The following SCAF1 variants were observed in gnomAD, a reference collection of about 807,000 sequenced individuals.
SCAF1 encodes splicing factor, arginine/serine-rich 19.
Under a neutral mutation model 91.2 loss-of-function variants are expected in SCAF1, and 28 were observed. That is an observed-to-expected ratio of 0.31 (90% CI 0.23 to 0.42). The LOEUF (loss-of-function observed/expected upper bound fraction) is 0.42. Ranked by LOEUF, SCAF1 falls within the 10% of genes least tolerant of loss-of-function variation. The pLI, the probability that SCAF1 is intolerant of heterozygous loss-of-function variation, is 1.00. For missense variants in SCAF1, 1,893 were observed against 1,872.1 expected (o/e 1.01, Z -0.21); for synonymous variants, 1,036 against 833.7 (o/e 1.24, Z -4.18).
Position 49,658,393 on chromosome 19 carries a change from T to C in SCAF1, c.3933T>C (p.Pro1311=). ...GTGGCCCGGGCCTGCCCCTGCCCCCTCTCTGAGAGCCCTGGCCAGCTCTTC... is the reference window on the plus strand; with the variant it reads ...GTGGCCCGGGCCTGCCCCTGCCCCCCCTCTGAGAGCCCTGGCCAGCTCTTC... The part of the protein sequence containing the change: ...DKGGPGLPLP[P]L The change falls in exon 11 of 11, where the codon CCT becomes CCC. Residue 1311 remains proline (P), a synonymous_variant. Coordinates refer to ENST00000360565, the MANE Select transcript of SCAF1 (RefSeq NM_021228.3). The C allele has an allele frequency of 7.8e-6, 12 of 1,537,348 alleles. No homozygotes were observed. Among genetic ancestry groups the C allele is most frequent in the South Asian group, 1.2e-5 (1 of 84,888 alleles).
At chr19:49,648,560 AC>A (rs59176255) in intron 6 of SCAF1, among the ~76,000 whole-genome samples, 1,590 of 116,878 alleles carry the variant, frequency 0.014, 17 homozygotes, top group African/African-American at 0.025. Flanking sequence ...TGCCTGCCAC[AC>A]CCCCCCCCCT....
chr19:49,646,703 T>A lies in SCAF1; in HGVS notation c.363-12T>A. The stretch of plus-strand genomic sequence containing the variant: ...GCACCCCTGAGGCTCACCCACCCCT[T>A]CCGCCTTGCAGAAGTGAGGACATGC... On this transcript the variant is annotated splice_polypyrimidine_tract_variant and intron_variant, in intron 5 of 10. Transcript: ENST00000360565. The surrounding 1 kb of genome is among the most constrained non-coding windows in gnomAD (Gnocchi z 5.6). 6.2e-7 allele frequency: 1 copy of A among 1,613,686 alleles called. No homozygotes were observed. Among genetic ancestry groups the A allele is most frequent in the Non-Finnish European group, 8.5e-7 (1 of 1,179,754 alleles).
intron 9 of SCAF1, 104 bp from the exon 10 acceptor site, chr19:49,657,657 C>T (rs1041135117): frequency 1.8e-4 from 254 of 1,378,014 alleles, no homozygotes; most frequent in Middle Eastern, 1.0e-3. Flanking sequence ...AGCAGCTGGA[C>T]GGCCAGAGAG....
Position 49,652,005 on chromosome 19 carries a change from C to A in SCAF1, c.1616C>A (p.Thr539Asn). Reference protein sequence around the residue: ...AKEAASSSSGTQPAPPAPASP... With the variant: ...AKEAASSSSGNQPAPPAPASP... Reference sequence around the variant, plus strand: ...GAGGCCGCCTCGTCCTCGTCGGGCACCCAGCCAGCGCCGCCCGCCCCGGCC... The same window carrying A: ...GAGGCCGCCTCGTCCTCGTCGGGCAACCAGCCAGCGCCGCCCGCCCCGGCC... Residue 539 changes from threonine to asparagine, a missense_variant, in exon 7 of 11, where the codon ACC becomes AAC. Physicochemically the swap from Thr to Asn is moderately conservative, Grantham distance 65. This residue lies in a region of SCAF1 where 1,436 missense variants were observed against 1,306.8 expected (regional missense o/e 1.10). Coordinates refer to ENST00000360565, the MANE Select transcript of SCAF1 (RefSeq NM_021228.3). 1.7e-6 allele frequency: 2 copies of A among 1,201,108 alleles called. No individual in the cohort carries two copies. Among genetic ancestry groups the A allele is most frequent in the Admixed American group, 4.7e-5 (1 of 21,252 alleles). 74.4% of individuals were successfully genotyped at this position (1,201,108 alleles called of 1,614,324 possible).
At chr19:49,650,159 A>G (rs889563795) in intron 6 of SCAF1, among the ~76,000 whole-genome samples, 3 of 152,202 alleles carry the variant, frequency 2.0e-5, no homozygotes, top group African/African-American at 7.2e-5. Flanking sequence ...GTCACTGGTC[A>G]GTGGTGTCTT....
chr19:49,658,032 G>A, intron 10 of SCAF1, 143 bp downstream of exon 10: 3 of 1,291,888 alleles, frequency 2.3e-6, no homozygotes, highest in Non-Finnish European at 2.1e-6. Flanking sequence ...TTTTCTCAAG[G>A]CCACCTGGGC....
In SCAF1 at chr19:49,658,240, A is replaced by C. The variant is rs748593728; in HGVS notation, c.3780A>C (p.Pro1260=). 3.2e-5 allele frequency: 52 copies of C among 1,613,620 alleles called. No homozygotes were observed. The Middle Eastern group carries it at 5.0e-4, about 15-fold the overall frequency. ...ACAGCAAAAGTGGGGAAATCAACCC[A>C]GTGAAGGTGAGCAACCTGGTGCGGG... ...ICHSKSGEIN[P]VKVSNLVRAY... Residue 1260 remains proline (P), a synonymous_variant, in exon 11 of 11, where the codon CCA becomes CCC. Transcript: ENST00000360565.
chr19:49,645,128 T>A lies in SCAF1; in HGVS notation c.102T>A (p.Phe34Leu). ...DRDPTLSPSAFILRAIQQAVG... is the reference protein window; with the variant it reads ...DRDPTLSPSALILRAIQQAVG... ...ACCCCACGCTTTCTCCTTCTGCCTTTATCCTGGTGAGGCTGCTGGGCTCCT... is the reference window on the plus strand; with the variant it reads ...ACCCCACGCTTTCTCCTTCTGCCTTAATCCTGGTGAGGCTGCTGGGCTCCT... Residue 34 changes from phenylalanine (F) to leucine (L), a missense_variant, in exon 2 of 11, where the codon TTT becomes TTA. Transcript: ENST00000360565. This position sits in a 1 kb window ranked among gnomAD's most constrained non-coding sequence, Gnocchi z 4.6. 1 of 1,613,736 alleles carries A rather than the reference T, an allele frequency of 6.2e-7. No homozygotes were observed. Among genetic ancestry groups the A allele is most frequent in the Non-Finnish European group, 8.5e-7 (1 of 1,179,682 alleles).
intron 6 of SCAF1, among the ~76,000 whole-genome samples, chr19:49,648,951 C>T (rs2081070600): frequency 7.4e-6 from 1 of 134,586 alleles, no homozygotes; most frequent in South Asian, 2.3e-4. Context: ...GCCTGGGTAA[C>T]AGAGTGAGAC....
rs748992605 is a variant in SCAF1, at chr19:49,645,015, C to T, written c.-6-6C>T. On this transcript the variant is annotated splice_region_variant and splice_polypyrimidine_tract_variant and intron_variant, in intron 1 of 10. Coordinates refer to ENST00000360565, the MANE Select transcript of SCAF1 (RefSeq NM_021228.3). This position sits in a 1 kb window ranked among gnomAD's most constrained non-coding sequence, Gnocchi z 4.6. ...CCACTCCAAACTCTCCCCCCTGGAC[C>T]CCCAGGTGACCATGGAGGAAGAAGA... 1.2e-6 allele frequency: 2 copies of T among 1,607,740 alleles called. No homozygotes were observed. The highest frequency in any genetic ancestry group is 1.1e-5 in the South Asian group (1 of 90,906).
At chr19:49,649,122 T>C (rs1407645779) in intron 6 of SCAF1, among the ~76,000 whole-genome samples, 1 of 152,146 alleles carries the variant, frequency 6.6e-6, no homozygotes, top group East Asian at 1.9e-4. Flanking sequence ...CGGAAGCTAA[T>C]AGTAGTTGTT....
chr19:49,652,769 A>G lies in SCAF1; in HGVS notation c.2380A>G (p.Lys794Glu), dbSNP rs2081108007. Residue 794 changes from lysine to glutamate, a missense_variant, in exon 7 of 11, where the codon AAG becomes GAG. Around this residue, in one of 5 missense-constraint regions of SCAF1, gnomAD observed 1,436 missense variants for 1,306.8 expected, o/e 1.10. Coordinates refer to ENST00000360565, the MANE Select transcript of SCAF1 (RefSeq NM_021228.3). Reference sequence around the variant, plus strand: ...TAGGGACAGGGACAGGTCATCCAAGAAGGCCCGGCCCCCCAAGGAGTCGGC... The same window carrying G: ...TAGGGACAGGGACAGGTCATCCAAGGAGGCCCGGCCCCCCAAGGAGTCGGC... ...RDRDRDRSSKKARPPKESAPS... is the reference protein window; with the variant it reads ...RDRDRDRSSKEARPPKESAPS... The G allele has an allele frequency of 1.9e-6, 3 of 1,612,816 alleles. No individual in the cohort carries two copies. The highest frequency in any genetic ancestry group is 2.5e-6 in the Non-Finnish European group (3 of 1,179,608).
chr19:49,654,531 C>G (rs1028259952), intron 8 of SCAF1, 100 bp downstream of exon 8: 3 of 1,379,456 alleles, frequency 2.2e-6, no homozygotes, highest in Non-Finnish European at 3.1e-6. Context: ...GGCAAGGTAT[C>G]GGCCTGAAGA....
Position 49,653,548 on chromosome 19 carries a change from C to T in SCAF1, c.3159C>T (p.Ala1053=), listed in dbSNP as rs375665533. 2.3e-5 allele frequency: 37 copies of T among 1,582,048 alleles called. No homozygotes were observed. Among genetic ancestry groups the T allele is most frequent in the East Asian group, 4.5e-5 (2 of 44,308 alleles). ...ATTTATSTAA[A]APSTAPSAGS... is the part of the protein sequence containing the mutation. ...CCACGGCCACCAGCACTGCTGCAGC[C>T]GCCCCAAGCACTGCCCCCAGCGCGG... Residue 1053 remains alanine (A), a synonymous_variant, in exon 7 of 11, where the codon GCC becomes GCT. Transcript: ENST00000360565.
At chr19:49,654,138 C>T (rs756637326) in intron 7 of SCAF1, among the ~76,000 whole-genome samples, 11 of 152,158 alleles carry the variant, frequency 7.2e-5, no homozygotes, top group Non-Finnish European at 1.0e-4. Flanking sequence ...TGGCCAACCC[C>T]GCACCCACAC....
chr19:49,653,038 C>T lies in SCAF1; in HGVS notation c.2649C>T (p.Ala883=), dbSNP rs1164395750. 2.5e-6 allele frequency: 4 copies of T among 1,613,844 alleles called. No individual in the cohort carries two copies. The African/African-American group carries it at 4.0e-5, about 16-fold the overall frequency. Residue 883 remains alanine (A), a synonymous_variant, in exon 7 of 11, where the codon GCC becomes GCT. Coordinates refer to ENST00000360565, the MANE Select transcript of SCAF1 (RefSeq NM_021228.3). ...RSPFLKPDER[A]PTEMAKAAPG... ...CCTTCCTCAAACCTGACGAGCGGGC[C>T]CCCACTGAGATGGCCAAAGCAGCTC...
chr19:49,655,892 A>G (rs2081135958), intron 9 of SCAF1, among the ~76,000 whole-genome samples: 1 of 151,034 alleles, frequency 6.6e-6, no homozygotes, highest in Non-Finnish European at 1.5e-5. Flanking sequence ...GCTGGTCTCA[A>G]ATTCCTGAGC....
At chr19:49,657,332 G>A in intron 9 of SCAF1, among the ~76,000 whole-genome samples, 1 of 143,726 alleles carries the variant, frequency 7.0e-6, no homozygotes, top group Non-Finnish European at 1.5e-5. Flanking sequence ...GACCAGAGCA[G>A]TACTGTAAAA....
intron 6 of SCAF1, among the ~76,000 whole-genome samples, chr19:49,648,708 C>T (rs1408238254): frequency 1.3e-5 from 2 of 151,946 alleles, no homozygotes; most frequent in Non-Finnish European, 2.9e-5. Context: ...CACGGTGGCT[C>T]ACGCCTGTAA....
Sources: gnomAD v4.1 joint callset for allele counts (sites outside exome capture counted in the v4.1 genomes callset) on GRCh38, gnomAD v4.1.1 for gene constraint, gnomAD v4.1.1 regional missense constraint, Gnocchi (gnomAD v3.1) non-coding constraint, MANE v1.5 for transcripts, NCBI Gene and HGNC (gene_info 2026-07-23, HGNC 2026-07-21) for gene names.